The following TNFSF4 variants were observed in gnomAD, a reference collection of about 807,000 sequenced individuals.
The protein encoded by TNFSF4 is tumor necrosis factor ligand superfamily member 4.
Under a neutral mutation model 7.3 loss-of-function variants are expected in TNFSF4, and 4 were observed. The ratio of observed to expected loss-of-function variants is 0.55; its 90% CI spans 0.27 to 1.25. TNFSF4 has a LOEUF of 1.25. Among genes scored for constraint, TNFSF4 ranks in the 50% most tolerant of loss-of-function variants. The probability of loss-of-function intolerance (pLI) is 0.12; values close to 1 mark genes in which losing one functional copy is unlikely to be tolerated. For missense variants in TNFSF4, 181 were observed against 208.8 expected, an observed-to-expected ratio of 0.87 and a Z score of 0.82; for synonymous variants, 76 against 83.7, an observed-to-expected ratio of 0.91 and a Z score of 0.50.
At chr1:173,411,472 C>T in the TNFSF4 span, among the ~76,000 whole-genome samples, 3 of 152,304 alleles carry the variant, frequency 2.0e-5, no homozygotes, top group East Asian at 5.8e-4. Context: ...AGGATGTCAT[C>T]TTGCAGCAGA....
At chr1:173,209,941 G>C (rs1244307311), upstream of TNFSF4, among the ~76,000 whole-genome samples, 3 of 151,914 alleles carry the variant, frequency 2.0e-5, no homozygotes, top group Non-Finnish European at 4.4e-5. Context: ...TAAATGAATA[G>C]CCATTTCAAG....
chr1:173,369,597 ACACT>A, the TNFSF4 span, among the ~76,000 whole-genome samples: 3 of 152,136 alleles, frequency 2.0e-5, no homozygotes, highest in Non-Finnish European at 4.4e-5. Flanking sequence ...CAGATGGGAA[ACACT>A]CAGGCATCAA....
chr1:173,310,832 T>G, the TNFSF4 span, among the ~76,000 whole-genome samples: 2 of 151,860 alleles, frequency 1.3e-5, no homozygotes, highest in South Asian at 4.1e-4. Flanking sequence ...TTAAAATTAT[T>G]TCTTCATGGT....
the TNFSF4 span, among the ~76,000 whole-genome samples, chr1:173,379,927 G>A: frequency 1.1e-4 from 17 of 152,226 alleles, no homozygotes; most frequent in Non-Finnish European, 2.1e-4. Context: ...CTCTGGGCCA[G>A]AAGCCCCCAA....
At chr1:173,420,386 GA>G in the TNFSF4 span, among the ~76,000 whole-genome samples, 1 of 152,204 alleles carries the variant, frequency 6.6e-6, no homozygotes, top group Non-Finnish European at 1.5e-5. Flanking sequence ...GTGAGAGATT[GA>G]GAACTGAGGG....
At chr1:173,181,130 T>G (rs1249594627), downstream of TNFSF4, among the ~76,000 whole-genome samples, 1 of 152,208 alleles carries the variant, frequency 6.6e-6, no homozygotes, top group Admixed American at 6.5e-5. Flanking sequence ...TGTCATATCC[T>G]AAAAATTACT....
chr1:173,409,605 T>C, the TNFSF4 span, among the ~76,000 whole-genome samples: 21 of 152,330 alleles, frequency 1.4e-4, no homozygotes, highest in East Asian at 4.0e-3. Flanking sequence ...CATCAAACTT[T>C]TTAAGGTAAA....
At chr1:173,424,816 A>G in the TNFSF4 span, among the ~76,000 whole-genome samples, 1 of 152,254 alleles carries the variant, frequency 6.6e-6, no homozygotes, top group East Asian at 1.9e-4. Context: ...CAGAATTCCA[A>G]TTCTGCCACT....
chr1:173,433,048 C>CA, the TNFSF4 span, among the ~76,000 whole-genome samples: 2 of 152,086 alleles, frequency 1.3e-5, no homozygotes, highest in Non-Finnish European at 2.9e-5. Flanking sequence ...AAGATTAACT[C>CA]AATGTTTATT....
chr1:173,392,021 AC>A, the TNFSF4 span, among the ~76,000 whole-genome samples: 1 of 152,190 alleles, frequency 6.6e-6, no homozygotes. Flanking sequence ...TTGGCTACAA[AC>A]CCTGAGATAA....
chr1:173,279,058 G>A, the TNFSF4 span, among the ~76,000 whole-genome samples: 1 of 152,014 alleles, frequency 6.6e-6, no homozygotes, highest in East Asian at 1.9e-4. Flanking sequence ...CACTTCTCCT[G>A]GCCACTGACT....
At chr1:173,421,695 C>T in the TNFSF4 span, among the ~76,000 whole-genome samples, 4 of 151,982 alleles carry the variant, frequency 2.6e-5, no homozygotes, top group African/African-American at 7.3e-5. Flanking sequence ...AATGAAAATC[C>T]CCCTTATTTT....
At chr1:173,414,718 C>T in the TNFSF4 span, among the ~76,000 whole-genome samples, 6 of 152,128 alleles carry the variant, frequency 3.9e-5, no homozygotes, top group South Asian at 4.1e-4. Context: ...AGCCCTGGAG[C>T]GAGGGGATGG....
At chr1:173,395,029 TAGATAGATGATAGATA>T in the TNFSF4 span, among the ~76,000 whole-genome samples, 1,909 of 104,486 alleles carry the variant, frequency 0.018, 23 homozygotes, top group Non-Finnish European at 0.026. Flanking sequence ...GATAGATAGA[TAGATAGATGATAGATA>T]GATAGATAGA....
At chr1:173,302,428 A>G in the TNFSF4 span, among the ~76,000 whole-genome samples, 1 of 151,930 alleles carries the variant, frequency 6.6e-6, no homozygotes, top group East Asian at 1.9e-4. Context: ...GTAAACCAGC[A>G]TATGTGAAAG....
At chr1:173,394,919 G>GATAGAT in the TNFSF4 span, among the ~76,000 whole-genome samples, 125 of 150,124 alleles carry the variant, frequency 8.3e-4, no homozygotes, top group African/African-American at 3.0e-3. Context: ...TAGATAGATA[G>GATAGAT]AGATAGATAG....
At chr1:173,446,253 T>C in the TNFSF4 span, among the ~76,000 whole-genome samples, 1 of 151,948 alleles carries the variant, frequency 6.6e-6, no homozygotes, top group Non-Finnish European at 1.5e-5. Context: ...ATTGGCAGAA[T>C]AATAGAAACT....
At chr1:173,353,671 C>G in the TNFSF4 span, among the ~76,000 whole-genome samples, 1 of 152,170 alleles carries the variant, frequency 6.6e-6, no homozygotes, top group Non-Finnish European at 1.5e-5. Context: ...AAGCAACTCT[C>G]TTTTTCAACC....
At position 173,186,599 on chromosome 1, in the gene TNFSF4, T is replaced by C; in HGVS notation, c.469A>G (p.Asn157Asp). 1.2e-6 allele frequency: 2 copies of C among 1,614,168 alleles called. No homozygotes were observed. The highest frequency in any genetic ancestry group is 1.7e-6 in the Non-Finnish European group (2 of 1,180,012). ...DKVYLNVTTDNTSLDDFHVNG... is the reference protein window; with the variant it reads ...DKVYLNVTTDDTSLDDFHVNG... ...ACATGGAAGTCATCCAGGGAGGTAT[T>C]GTCAGTGGTCACATTCAAGTAGACT... Residue 157 changes from asparagine (N) to aspartate (D), a missense_variant, in exon 3 of 3, where the codon AAT (asparagine) becomes GAT (aspartate). Asn to Asp is a conservative substitution (Grantham distance 23, BLOSUM62 1). Coordinates refer to ENST00000281834, the MANE Select transcript of TNFSF4 (RefSeq NM_003326.5).
Sources: gnomAD v4.1 joint callset for allele counts (sites outside exome capture counted in the v4.1 genomes callset) on GRCh38, gnomAD v4.1.1 for gene constraint, MANE v1.5 for transcripts, NCBI Gene and HGNC (gene_info 2026-07-23, HGNC 2026-07-21) for gene names.